DDX6: variants seen among roughly 807,000 people sequenced by gnomAD.
The protein encoded by DDX6 is probable ATP-dependent RNA helicase DDX6.
Under a neutral mutation model 60.6 loss-of-function variants are expected in DDX6, and 7 were observed. The ratio of observed to expected loss-of-function variants is 0.12; its 90% confidence interval spans 0.07 to 0.22. The LOEUF (loss-of-function observed/expected upper bound fraction) is 0.22. Ranked by LOEUF, DDX6 falls within the 10% of genes least tolerant of loss-of-function variation. The probability of loss-of-function intolerance (pLI) is 1.00; values close to 1 mark genes in which losing one functional copy is unlikely to be tolerated. For missense variants in DDX6, 270 were observed against 589.9 expected (o/e 0.46, Z 5.62); for synonymous variants, 207 against 201.0 (o/e 1.03, Z -0.25).
At chr11:118,775,216 C>T (rs1861658715) in intron 4 of DDX6, among the ~76,000 whole-genome samples, 1 of 151,920 alleles carries the variant, frequency 6.6e-6, no homozygotes, top group Non-Finnish European at 1.5e-5. Context: ...CTTGGGAGGC[C>T]GAGGCACGAG....
intron 4 of DDX6, among the ~76,000 whole-genome samples, chr11:118,776,489 T>A (rs1448275453): frequency 1.3e-5 from 2 of 152,176 alleles, no homozygotes; most frequent in Non-Finnish European, 2.9e-5. Flanking sequence ...CTATGCTAAG[T>A]ACTAGAGATA....
At chr11:118,789,707 G>A (rs1591933537) in intron 1 of DDX6, 1 of 152,206 alleles carries the variant, frequency 6.6e-6, no homozygotes, top group Non-Finnish European at 1.5e-5. Context: ...AGAGCACTAA[G>A]AGGATGAAAA....
intron 3 of DDX6, among the ~76,000 whole-genome samples, chr11:118,780,102 C>T (rs1387206793): frequency 1.0e-5 from 1 of 99,290 alleles, no homozygotes; most frequent in Admixed American, 1.6e-4. Context: ...GGGACAGAGC[C>T]AGACTCTATC....
rs1861106672 is a variant in DDX6 at position 118,759,836 on chromosome 11, T to A, written c.864+86A>T. The A allele has an allele frequency of 2.9e-6, 4 of 1,391,258 alleles. No homozygotes were observed. The Admixed American group carries it at 9.6e-5, about 34-fold the overall frequency. 86.2% of individuals were successfully genotyped at this position (1,391,258 alleles called of 1,614,324 possible). Reference sequence around the variant, plus strand: ...TTGAAATAATTAGCATAAAGTATATTCACAGATATGAAGATGTAATTACAA... The same window carrying A: ...TTGAAATAATTAGCATAAAGTATATACACAGATATGAAGATGTAATTACAA... On this transcript the variant is annotated intron_variant, in intron 8 of 13. Coordinates refer to ENST00000534980, the MANE Select transcript of DDX6 (RefSeq NM_004397.6).
intron 2 of DDX6, among the ~76,000 whole-genome samples, chr11:118,782,187 TAAAAC>T (rs1861921703): frequency 6.6e-6 from 1 of 151,990 alleles, no homozygotes; most frequent in African/African-American, 2.4e-5. Context: ...AATAAATAAA[TAAAAC>T]AAAATAGGTT....
chr11:118,754,606 T>C lies in DDX6; in HGVS notation c.*7+99A>G. Reference sequence around the variant, plus strand: ...TGCTAGTGGGTATTTTACCCTTTATTGCTATTATATATGGTGTGACATCAA... The same window carrying C: ...TGCTAGTGGGTATTTTACCCTTTATCGCTATTATATATGGTGTGACATCAA... On this transcript the variant is annotated intron_variant, in intron 13 of 13. Transcript: ENST00000534980. The C allele has an allele frequency of 1.1e-5, 12 of 1,049,860 alleles. No individual in the cohort carries two copies. In the South Asian group the frequency reaches 1.6e-4, roughly 14 times the overall value. The allele number at this position is 1,049,860 out of a possible 1,614,324, so 65.0% of individuals were successfully genotyped here. A position where few individuals can be genotyped will look rare whatever the true frequency, so the allele number is the denominator to read the frequency against.
chr11:118,780,731 A>T (rs1472575467), intron 3 of DDX6, among the ~76,000 whole-genome samples: 2 of 152,156 alleles, frequency 1.3e-5, no homozygotes. Context: ...ACCACTCATG[A>T]GCTACAAATA....
Position 118,756,310 on chromosome 11 carries a change from C to T in DDX6, c.1124G>A (p.Arg375His). Residue 375 changes from arginine to histidine, a missense_variant, in exon 11 of 14, where the codon CGT (arginine) becomes CAT (histidine). Transcript: ENST00000534980. ...GCCATTTCGGAAATCATGAAATACA[C>T]GATTTCGATGTTCCTAGGAGAAAGC... Reference protein sequence around the residue: ...HAKMRQEHRNRVFHDFRNGLC... With the variant: ...HAKMRQEHRNHVFHDFRNGLC... 6.2e-7 allele frequency: 1 copy of T among 1,612,862 alleles called. No individual in the cohort carries two copies. Among genetic ancestry groups the T allele is most frequent in the Admixed American group, 1.7e-5 (1 of 60,008 alleles).
upstream of DDX6, chr11:118,791,166 C>G (rs2137583118): frequency 6.6e-6 from 1 of 152,442 alleles, no homozygotes; most frequent in South Asian, 2.1e-4. Flanking sequence ...GGCTCCTCTG[C>G]CCCCTCCCTC....
intron 4 of DDX6, among the ~76,000 whole-genome samples, chr11:118,775,226 G>C (rs1861659071): frequency 6.6e-6 from 1 of 152,156 alleles, no homozygotes; most frequent in Non-Finnish European, 1.5e-5. Flanking sequence ...CGAGGCACGA[G>C]AATCGCTTGA....
At chr11:118,772,345 C>T (rs1165411846) in intron 4 of DDX6, among the ~76,000 whole-genome samples, 1 of 152,088 alleles carries the variant, frequency 6.6e-6, no homozygotes. Context: ...TTGATACAAG[C>T]TACAACACAG....
intron 8 of DDX6, 37 bp downstream of exon 8, chr11:118,759,885 A>G: frequency 6.3e-7 from 1 of 1,585,394 alleles, no homozygotes; most frequent in Non-Finnish European, 8.6e-7. Flanking sequence ...CAAAGGTCAC[A>G]GGATGGCACT....
intron 7 of DDX6, among the ~76,000 whole-genome samples, chr11:118,762,287 T>TAA (rs1367687138): frequency 7.9e-6 from 1 of 126,100 alleles, no homozygotes; most frequent in South Asian, 2.8e-4. Flanking sequence ...AAAAAAAAAA[T>TAA]AATAATAATA....
chr11:118,765,984 T>G (rs1262798744), intron 5 of DDX6, among the ~76,000 whole-genome samples: 2 of 151,322 alleles, frequency 1.3e-5, no homozygotes, highest in East Asian at 3.9e-4. Context: ...GGCAGAAGAA[T>G]CGCTTGAACC....
chr11:118,757,683 T>C (rs1861024944), intron 9 of DDX6, among the ~76,000 whole-genome samples: 10 of 152,084 alleles, frequency 6.6e-5, no homozygotes, highest in Admixed American at 6.6e-4. Flanking sequence ...AGCTGCCTCC[T>C]GGGTTCAAAC....
At chr11:118,758,435 G>A (rs953581237) in intron 9 of DDX6, among the ~76,000 whole-genome samples, 3 of 151,794 alleles carry the variant, frequency 2.0e-5, no homozygotes, top group East Asian at 3.9e-4. Context: ...GTGCAATGGT[G>A]CAATCTCAGC....
At chr11:118,777,322 T>A (rs1861732632) in intron 4 of DDX6, among the ~76,000 whole-genome samples, 1 of 152,178 alleles carries the variant, frequency 6.6e-6, no homozygotes, top group African/African-American at 2.4e-5. Context: ...TTCATCAATT[T>A]AAGTATGTCT....
At position 118,786,180 on chromosome 11, in the gene DDX6, A is replaced by G. The variant is rs772355862; in HGVS notation, c.72T>C (p.Pro24=). The G allele has an allele frequency of 1.8e-5, 29 of 1,613,972 alleles. No individual in the cohort carries two copies. The East Asian group carries it at 6.2e-4, about 35-fold the overall frequency. Residue 24 remains proline, a synonymous_variant, in exon 2 of 14, where the codon CCT becomes CCC. Transcript: ENST00000534980. The part of the protein sequence containing the change: ...LSSQNGQLRG[P]VKPTGGPGGG... ...CTCCAGGGCCACCAGTGGGTTTCAC[A>G]GGGCCTCTCAGCTGACCATTTTGAC...
intron 2 of DDX6, among the ~76,000 whole-genome samples, chr11:118,781,616 G>T (rs140464226): frequency 6.6e-6 from 1 of 152,092 alleles, no homozygotes; most frequent in Non-Finnish European, 1.5e-5. Context: ...CACCATGGCC[G>T]GCTATTCTCA....
Sources: gnomAD v4.1 joint callset for allele counts (sites outside exome capture counted in the v4.1 genomes callset) on GRCh38, gnomAD v4.1.1 for gene constraint, MANE v1.5 for transcripts, NCBI Gene and HGNC (gene_info 2026-07-23, HGNC 2026-07-21) for gene names.